The following CYYR1 variants were observed in gnomAD, a reference collection of about 807,000 sequenced individuals.
The protein encoded by CYYR1 is cysteine and tyrosine rich 1.
In CYYR1, 14 loss-of-function variants were observed where a neutral mutation model predicts 15.2. That is an observed-to-expected ratio of 0.92 (90% CI 0.61 to 1.44). The LOEUF (loss-of-function observed/expected upper bound fraction) is 1.44, where lower values mean the gene tolerates loss of function less well. Among genes scored for constraint, CYYR1 ranks in the 40% most tolerant of loss-of-function variants. The probability of loss-of-function intolerance (pLI) is 0.00; values close to 1 mark genes in which losing one functional copy is unlikely to be tolerated. For missense variants in CYYR1, 228 were observed against 209.5 expected (o/e 1.09, Z -0.54); for synonymous variants, 80 against 77.4 (o/e 1.03, Z -0.18).
intron 3 of CYYR1, among the ~76,000 whole-genome samples, chr21:26,472,067 A>G (rs1043382951): frequency 2.6e-5 from 4 of 152,164 alleles, no homozygotes; most frequent in Non-Finnish European, 4.4e-5. Context: ...ATCATCCATA[A>G]TTTTGTCACC....
intron 3 of CYYR1, among the ~76,000 whole-genome samples, chr21:26,470,360 T>C (rs1421502119): frequency 6.6e-6 from 1 of 152,176 alleles, no homozygotes; most frequent in African/African-American, 2.4e-5. Flanking sequence ...ATGTTTTTGA[T>C]ATGGTTTGGC....
rs188440256 is a variant in CYYR1, at chr21:26,480,444, A to G, written c.177-15T>C. The stretch of plus-strand genomic sequence containing the variant: ...TTGCAGTGCCCCTAAAAGGAAAAAC[A>G]AGTAAGTTTACTCAAAAGACTTGTA... On this transcript the variant is annotated splice_polypyrimidine_tract_variant and intron_variant, in intron 2 of 3. Transcript: ENST00000652641. The G allele has an allele frequency of 6.2e-7, 1 of 1,603,272 alleles. No individual in the cohort carries two copies. The highest frequency in any genetic ancestry group is 1.3e-5 in the African/African-American group (1 of 74,556).
intron 2 of CYYR1, among the ~76,000 whole-genome samples, chr21:26,507,003 T>C (rs2065575731): frequency 6.6e-6 from 1 of 152,168 alleles, no homozygotes; most frequent in South Asian, 2.1e-4. Context: ...AAAATACCAA[T>C]AGTGTAATAA....
In CYYR1 at chr21:26,566,289, G is replaced by A. The variant is rs764106284; in HGVS notation, c.153C>T (p.Tyr51=). 2.5e-5 allele frequency: 40 copies of A among 1,613,340 alleles called. No individual in the cohort carries two copies. The highest frequency in any genetic ancestry group is 1.4e-4 in the South Asian group (13 of 91,028). Residue 51 remains tyrosine (Y), a synonymous_variant, in exon 2 of 4, where the codon TAC becomes TAT. Transcript: ENST00000652641. ...ACGAGAGGATATTCCCAATATAAGC[G>A]TAGTAGGAGCAACAGTAGGGCGTGG... ...DGTTPYCCSY[Y]AYIGNILSGT...
intron 2 of CYYR1, among the ~76,000 whole-genome samples, chr21:26,503,146 A>G (rs574932612): frequency 1.3e-5 from 2 of 152,272 alleles, no homozygotes; most frequent in Non-Finnish European, 2.9e-5. Flanking sequence ...CAATAATTCT[A>G]ATTTTGGTAG....
chr21:26,567,761 G>A (rs777170869), intron 1 of CYYR1, among the ~76,000 whole-genome samples: 26 of 151,940 alleles, frequency 1.7e-4, no homozygotes, highest in Non-Finnish European at 2.4e-4. Context: ...ATGTCTGCAC[G>A]TCCATGTAAC....
Position 26,499,843 on chromosome 21 carries a change from T to G in CYYR1, c.177-19414A>C, listed in dbSNP as rs115503057. Among the ~76,000 whole-genome samples, 653 of 151,486 alleles carry G rather than the reference T, an allele frequency of 4.3e-3. 3 individuals carry two copies. Among genetic ancestry groups the G allele is most frequent in the African/African-American group, 0.014 (566 of 41,332 alleles). ...TGAACAGAACACATTTTTGTTTTTT[T>G]TTTTTTTTTCAGAGAAGGGGTCTAT... is the stretch of plus-strand genomic sequence containing the variant. On this transcript the variant is annotated intron_variant, in intron 2 of 3. Coordinates refer to ENST00000652641, the MANE Select transcript of CYYR1 (RefSeq NM_001320768.2).
At chr21:26,471,109 C>T (rs1190380121) in intron 3 of CYYR1, 3 of 152,152 alleles carry the variant, frequency 2.0e-5, no homozygotes, top group Non-Finnish European at 2.9e-5. Context: ...ATTCCCTCTG[C>T]ATTATACCCA....
chr21:26,476,827 T>G (rs2065111553), intron 3 of CYYR1, among the ~76,000 whole-genome samples: 1 of 151,964 alleles, frequency 6.6e-6, no homozygotes, highest in Non-Finnish European at 1.5e-5. Flanking sequence ...CAAACCTGCT[T>G]TTAAAAAAAA....
intron 2 of CYYR1, among the ~76,000 whole-genome samples, chr21:26,489,235 C>T (rs372183317): frequency 3.3e-5 from 5 of 152,104 alleles, no homozygotes; most frequent in South Asian, 4.1e-4. Flanking sequence ...TACATTACTT[C>T]GATGTCAAAG....
Position 26,572,916 on chromosome 21 carries a change from G to A in CYYR1, c.25C>T (p.Arg9Cys). Reference sequence around the variant, plus strand: ...AACTTCGGAAGCAAGACCCCTGGACGCACGGGTAGCCTCGGAGCGTCCATC... The same window carrying A: ...AACTTCGGAAGCAAGACCCCTGGACACACGGGTAGCCTCGGAGCGTCCATC... MDAPRLPV[R>C]PGVLLPKLVL... The change falls in exon 1 of 4, where the codon CGT (arginine) becomes TGT (cysteine). Residue 9 changes from arginine to cysteine, a missense_variant. Coordinates refer to ENST00000652641, the MANE Select transcript of CYYR1 (RefSeq NM_001320768.2). The A allele has an allele frequency of 1.2e-6, 2 of 1,614,016 alleles. No homozygotes were observed. The highest frequency in any genetic ancestry group is 1.7e-6 in the Non-Finnish European group (2 of 1,179,994).
intron 2 of CYYR1, among the ~76,000 whole-genome samples, chr21:26,504,841 C>T (rs971907692): frequency 2.6e-5 from 4 of 152,136 alleles, no homozygotes; most frequent in Non-Finnish European, 5.9e-5. Context: ...AACCACCCTT[C>T]TACTCCCTAT....
chr21:26,511,927 G>C (rs73898233), intron 2 of CYYR1, among the ~76,000 whole-genome samples: 7,077 of 151,898 alleles, frequency 0.047, 194 homozygotes, highest in African/African-American at 0.06. Flanking sequence ...CAAATAGAAG[G>C]CCTAGTTCAA....
At chr21:26,546,653 T>G (rs1314764335) in intron 2 of CYYR1, among the ~76,000 whole-genome samples, 1 of 152,152 alleles carries the variant, frequency 6.6e-6, no homozygotes, top group Non-Finnish European at 1.5e-5. Context: ...TAGAAAGAGG[T>G]CATAGTCTTG....
chr21:26,555,354 A>T (rs1404563698), intron 2 of CYYR1, among the ~76,000 whole-genome samples: 2 of 151,938 alleles, frequency 1.3e-5, no homozygotes, highest in Non-Finnish European at 2.9e-5. Flanking sequence ...ATGTTTGTTT[A>T]AAAAAAATGT....
intron 2 of CYYR1, among the ~76,000 whole-genome samples, chr21:26,523,480 G>A (rs972261704): frequency 1.3e-5 from 2 of 152,096 alleles, no homozygotes; most frequent in African/African-American, 4.8e-5. Flanking sequence ...TTTCTGCTAT[G>A]CTTAGGAGTC....
At chr21:26,504,767 T>C (rs1028655099) in intron 2 of CYYR1, among the ~76,000 whole-genome samples, 12 of 152,212 alleles carry the variant, frequency 7.9e-5, no homozygotes, top group African/African-American at 2.9e-4. Flanking sequence ...CTTTCTATTG[T>C]TTTGTACCCT....
At chr21:26,479,805 C>A (rs1201142003) in intron 3 of CYYR1, among the ~76,000 whole-genome samples, 1 of 152,106 alleles carries the variant, frequency 6.6e-6, no homozygotes, top group Non-Finnish European at 1.5e-5. Flanking sequence ...AGCCACTGTG[C>A]CTGGCCTGTT....
chr21:26,493,558 C>T (rs219630), intron 2 of CYYR1, among the ~76,000 whole-genome samples: 126,426 of 152,168 alleles, frequency 0.83, 53,310 homozygotes, highest in Non-Finnish European at 0.88. Flanking sequence ...CCCAAAGCTA[C>T]TGGACACTCC....
Sources: allele counts gnomAD v4.1 joint callset (sites outside exome capture counted in the v4.1 genomes callset), GRCh38; gene constraint gnomAD v4.1.1; transcripts MANE v1.5; gene names NCBI Gene and HGNC (gene_info 2026-07-23, HGNC 2026-07-21).